BBS9: variants seen among roughly 807,000 people sequenced by gnomAD.
The protein encoded by BBS9 is protein PTHB1.
A neutral mutation model predicts 117.7 loss-of-function variants in BBS9; 89 were observed. The ratio of observed to expected loss-of-function variants is 0.76; its 90% CI spans 0.64 to 0.90. The LOEUF is 0.90. BBS9 is among the 40% of genes least tolerant of loss of function. The pLI is 0.00. For synonymous variants in BBS9, 379 were observed against 370.9 expected, an observed-to-expected ratio of 1.02 and a Z score of -0.25; for missense variants, 982 against 1,042.2, an observed-to-expected ratio of 0.94 and a Z score of 0.80.
intron 19 of BBS9, among the ~76,000 whole-genome samples, chr7:33,491,076 T>A (rs1843827125): frequency 6.6e-6 from 1 of 152,102 alleles, no homozygotes; most frequent in Non-Finnish European, 1.5e-5. Context: ...AGGTCCTACC[T>A]AGGAAGTATG....
chr7:33,422,802 G>T (rs1833058997), intron 19 of BBS9, among the ~76,000 whole-genome samples: 1 of 152,092 alleles, frequency 6.6e-6, no homozygotes, highest in South Asian at 2.1e-4. Context: ...TAAAGACAGG[G>T]TCTTGCTGTG....
intron 21 of BBS9, among the ~76,000 whole-genome samples, chr7:33,559,676 T>C (rs1319247090): frequency 4.4e-4 from 67 of 152,178 alleles, no homozygotes; most frequent in Admixed American, 4.3e-3. Flanking sequence ...GCAACCCCTA[T>C]AGACACATGT....
intron 21 of BBS9, among the ~76,000 whole-genome samples, chr7:33,627,881 A>C (rs1251665093): frequency 6.6e-6 from 1 of 152,142 alleles, no homozygotes; most frequent in Non-Finnish European, 1.5e-5. Flanking sequence ...CATCTGTACA[A>C]AAAAATAAAA....
At chr7:33,236,675 G>T (rs372975693) in intron 5 of BBS9, among the ~76,000 whole-genome samples, 6 of 151,954 alleles carry the variant, frequency 3.9e-5, no homozygotes, top group African/African-American at 4.8e-5. Flanking sequence ...ATATATTAAT[G>T]GGGTACAATG....
chr7:33,364,615 CCCCCTTCCCCCTCCTCTCCCCT>C (rs1176264610), intron 16 of BBS9, among the ~76,000 whole-genome samples: 4 of 126,656 alleles, frequency 3.2e-5, no homozygotes, highest in Non-Finnish European at 6.6e-5. Context: ...CTTATATTTT[CCCCCTTCCCCCTCCTCTCCCCT>C]CCCCTTCCCC....
At chr7:33,427,654 C>G (rs1833841186) in intron 19 of BBS9, among the ~76,000 whole-genome samples, 1 of 152,110 alleles carries the variant, frequency 6.6e-6, no homozygotes, top group African/African-American at 2.4e-5. Context: ...AAAGACTAGG[C>G]AATTTACTCT....
chr7:33,147,748 C>T (rs1182481939), intron 2 of BBS9, among the ~76,000 whole-genome samples: 3 of 152,198 alleles, frequency 2.0e-5, no homozygotes, highest in Non-Finnish European at 4.4e-5. Context: ...ATACTGTACA[C>T]TCATTCATTT....
intron 21 of BBS9, among the ~76,000 whole-genome samples, chr7:33,561,679 G>T (rs2129115702): frequency 6.6e-6 from 1 of 151,434 alleles, no homozygotes; most frequent in African/African-American, 2.4e-5. Context: ...GAATTAAACG[G>T]AGTCAAAAAC....
chr7:33,144,716 G>A (rs1459694058), intron 1 of BBS9, among the ~76,000 whole-genome samples: 1 of 152,124 alleles, frequency 6.6e-6, no homozygotes, highest in African/African-American at 2.4e-5. Flanking sequence ...TGTATCTTGT[G>A]GAGAACAGAC....
intron 19 of BBS9, among the ~76,000 whole-genome samples, chr7:33,406,709 G>C (rs1395294861): frequency 1.3e-5 from 2 of 152,026 alleles, no homozygotes; most frequent in African/African-American, 4.8e-5. Context: ...AGTTTGGCTG[G>C]ATATGAAATT....
chr7:33,567,449 G>A (rs1257896466), intron 21 of BBS9, among the ~76,000 whole-genome samples: 1 of 152,018 alleles, frequency 6.6e-6, no homozygotes, highest in Non-Finnish European at 1.5e-5. Flanking sequence ...TTTTCTCCTT[G>A]AGCACTCTTC....
Position 33,357,846 on chromosome 7 carries a change from T to G in BBS9, c.1553-9T>G. 6.2e-7 allele frequency: 1 copy of G among 1,610,390 alleles called. No individual in the cohort carries two copies. The highest frequency in any genetic ancestry group is 1.1e-5 in the South Asian group (1 of 91,010). On this transcript the variant is annotated splice_polypyrimidine_tract_variant and intron_variant, in intron 15 of 22. Transcript: ENST00000242067. ...GTCTATGAATCTACATATCTCTCTTTTATTTTAGGCATTCCGCGAGTTATC... is the reference window on the plus strand; with the variant it reads ...GTCTATGAATCTACATATCTCTCTTGTATTTTAGGCATTCCGCGAGTTATC...
In BBS9 at chr7:33,262,809, T is replaced by C. The variant is rs964402929; in HGVS notation, c.618-1481T>C. On this transcript the variant is annotated intron_variant, in intron 6 of 22. Coordinates refer to ENST00000242067, the MANE Select transcript of BBS9 (RefSeq NM_198428.3). ...GCCTTCTCCTTCTTTACCAGCGTGA[T>C]AGAATTTTCACTCATCCTTTAAAAC... Among the ~76,000 whole-genome samples the C allele has an allele frequency of 4.6e-5, 7 of 152,330 alleles. No homozygotes were observed. In the South Asian group the frequency reaches 8.3e-4, roughly 18 times the overall value.
At chr7:33,468,120 T>C (rs981391268) in intron 19 of BBS9, among the ~76,000 whole-genome samples, 2 of 152,006 alleles carry the variant, frequency 1.3e-5, no homozygotes, top group African/African-American at 4.8e-5. Flanking sequence ...TTCTAGAAAA[T>C]AGTAGGAGGA....
At chr7:33,146,467 C>A in intron 2 of BBS9, 103 bp downstream of exon 2, 5 of 912,632 alleles carry the variant, frequency 5.5e-6, no homozygotes, top group Non-Finnish European at 9.0e-6. Context: ...TTTGGGAGGC[C>A]GACGTGGGCA....
chr7:33,386,276 G>A (rs1825990822), intron 18 of BBS9, among the ~76,000 whole-genome samples: 1 of 151,948 alleles, frequency 6.6e-6, no homozygotes, highest in East Asian at 1.9e-4. Context: ...CACTGAAAGG[G>A]TAAGGAATTT....
At chr7:33,463,304 T>A (rs1235119581) in intron 19 of BBS9, among the ~76,000 whole-genome samples, 2 of 152,088 alleles carry the variant, frequency 1.3e-5, no homozygotes, top group Admixed American at 6.6e-5. Flanking sequence ...TGTGCTGGCA[T>A]TGTGTATGCA....
intron 20 of BBS9, among the ~76,000 whole-genome samples, chr7:33,507,572 G>C (rs543890779): frequency 6.6e-6 from 1 of 152,204 alleles, no homozygotes; most frequent in South Asian, 2.1e-4. Flanking sequence ...ATGGTTATTT[G>C]TCCATCTTCA....
chr7:33,311,081 C>T (rs1809118813), intron 9 of BBS9, among the ~76,000 whole-genome samples: 2 of 152,186 alleles, frequency 1.3e-5, no homozygotes, highest in Non-Finnish European at 2.9e-5. Flanking sequence ...GTTTTTCTGA[C>T]ATATTGAAAT....
Sources: gnomAD v4.1 joint callset for allele counts (sites outside exome capture counted in the v4.1 genomes callset) on GRCh38, gnomAD v4.1.1 for gene constraint, MANE v1.5 for transcripts, NCBI Gene and HGNC (gene_info 2026-07-23, HGNC 2026-07-21) for gene names.